Variants in NETO1 observed in about 807,000 individuals in gnomAD.
The protein encoded by NETO1 is neuropilin and tolloid-like protein 1.
NETO1 carries 26 observed loss-of-function variants against 61.3 expected under a neutral mutation model. The observed-to-expected ratio is 0.42, with a 90% CI of 0.31 to 0.59. NETO1 has a LOEUF of 0.59. Among genes scored for constraint, NETO1 ranks in the 20% least tolerant of loss-of-function variants. The probability of loss-of-function intolerance (pLI) is 0.12; values close to 1 mark genes in which losing one functional copy is unlikely to be tolerated. For synonymous variants in NETO1, 225 were observed against 225.8 expected (o/e 1.00, Z 0.03); for missense variants, 531 against 662.8 (o/e 0.80, Z 2.18).
At position 72,838,285 on chromosome 18, in the gene NETO1, A is replaced by T. The variant is rs577003288; in HGVS notation, c.469+20541T>A. On this transcript the variant is annotated intron_variant, in intron 4 of 10. Transcript: ENST00000327305. ...GATGAATACATTGTGAGTGGCAGGT[A>T]TTTACATCACGGTTCTCACTCAGAG... Among the ~76,000 whole-genome samples, 10 of 152,292 alleles carry T rather than the reference A, an allele frequency of 6.6e-5. No homozygotes were observed. In the South Asian group the frequency reaches 2.1e-3, roughly 32 times the overall value.
intron 6 of NETO1, among the ~76,000 whole-genome samples, chr18:72,787,353 G>A (rs2071956865): frequency 6.6e-6 from 1 of 151,488 alleles, no homozygotes; most frequent in South Asian, 2.1e-4. Flanking sequence ...AAAATGACAC[G>A]TCTCTCCCAA....
intron 7 of NETO1, among the ~76,000 whole-genome samples, chr18:72,765,574 G>A (rs747073249): frequency 7.2e-5 from 11 of 151,936 alleles, no homozygotes; most frequent in Non-Finnish European, 1.0e-4. Context: ...ACCTGTCACT[G>A]TGCCTGGCTA....
In NETO1 at chr18:72,842,160, G is replaced by T. The variant is rs971143763; in HGVS notation, c.469+16666C>A. On this transcript the variant is annotated intron_variant, in intron 4 of 10. Transcript: ENST00000327305. Reference sequence around the variant, plus strand: ...TGCAAAAATGCAGAGTAGTGCCTGTGGGGGGAAATGTTCAAAATAAAGAAG... The same window carrying T: ...TGCAAAAATGCAGAGTAGTGCCTGTTGGGGGAAATGTTCAAAATAAAGAAG... Among the ~76,000 whole-genome samples, 3 of 152,192 alleles carry T rather than the reference G, an allele frequency of 2.0e-5. No homozygotes were observed. In the South Asian group the frequency reaches 6.2e-4, roughly 32 times the overall value.
intron 7 of NETO1, among the ~76,000 whole-genome samples, chr18:72,759,116 A>G (rs1320671476): frequency 6.6e-6 from 1 of 152,074 alleles, no homozygotes; most frequent in East Asian, 1.9e-4. Context: ...ACTTGCGTGC[A>G]CTCGGTGCAC....
chr18:72,865,944 G>T (rs1038660613), intron 1 of NETO1, among the ~76,000 whole-genome samples: 2 of 152,124 alleles, frequency 1.3e-5, no homozygotes, highest in African/African-American at 4.8e-5. Flanking sequence ...TTTGAGAAAC[G>T]TGATTTCCGA....
At chr18:72,768,625 T>C (rs375784216) in intron 7 of NETO1, among the ~76,000 whole-genome samples, 1 of 152,296 alleles carries the variant, frequency 6.6e-6, no homozygotes, top group African/African-American at 2.4e-5. Context: ...TTAAGCCCAA[T>C]GCAATAACAA....
intron 4 of NETO1, chr18:72,834,197 A>G: frequency 1.7e-6 from 1 of 595,728 alleles, no homozygotes. Context: ...ACATATATGC[A>G]TATTAGTGTA....
chr18:72,861,571 T>G (rs2074573200), intron 3 of NETO1, among the ~76,000 whole-genome samples: 1 of 152,234 alleles, frequency 6.6e-6, no homozygotes, highest in African/African-American at 2.4e-5. Context: ...CACTGAGAAC[T>G]ATGAGCACTT....
At chr18:72,799,147 G>A (rs1038043086) in intron 4 of NETO1, among the ~76,000 whole-genome samples, 1 of 152,174 alleles carries the variant, frequency 6.6e-6, no homozygotes, top group African/African-American at 2.4e-5. Flanking sequence ...CTGCTGCTAA[G>A]GATATCTGTC....
At chr18:72,835,806 C>T (rs1349614688) in intron 4 of NETO1, among the ~76,000 whole-genome samples, 3 of 152,130 alleles carry the variant, frequency 2.0e-5, no homozygotes, top group Admixed American at 6.5e-5. Context: ...TATTCTTCCA[C>T]GTGTCGACAC....
At chr18:72,866,918 A>T in intron 1 of NETO1, 1 of 476,820 alleles carries the variant, frequency 2.1e-6, no homozygotes, top group Admixed American at 5.2e-5. Context: ...CCCACTAGGT[A>T]TCATCCGCGC....
intron 4 of NETO1, among the ~76,000 whole-genome samples, chr18:72,814,148 T>C (rs898050164): frequency 6.6e-6 from 1 of 152,050 alleles, no homozygotes; most frequent in African/African-American, 2.4e-5. Context: ...TAAGTGATAT[T>C]AGGTCCCCAA....
chr18:72,806,093 T>C (rs9636083), intron 4 of NETO1, among the ~76,000 whole-genome samples: 76,431 of 151,850 alleles, frequency 0.5, 20,069 homozygotes, highest in East Asian at 0.79. Context: ...TAGACGACAT[T>C]ACCTACGACG....
intron 1 of NETO1, among the ~76,000 whole-genome samples, 176 bp from the exon 2 acceptor site, chr18:72,865,417 C>T (rs1244915022): frequency 6.6e-6 from 1 of 152,198 alleles, no homozygotes; most frequent in African/African-American, 2.4e-5. Context: ...AATCAGGAAA[C>T]CTTGGGACTC....
At chr18:72,814,919 G>C (rs1342369162) in intron 4 of NETO1, among the ~76,000 whole-genome samples, 1 of 150,294 alleles carries the variant, frequency 6.7e-6, no homozygotes, top group Non-Finnish European at 1.5e-5. Context: ...CATAGGGACA[G>C]AGCTTATCAA....
chr18:72,817,884 G>A (rs1422342121), intron 4 of NETO1, among the ~76,000 whole-genome samples: 1 of 152,182 alleles, frequency 6.6e-6, no homozygotes, highest in Non-Finnish European at 1.5e-5. Flanking sequence ...AAACTGCCCA[G>A]TGAAGACACC....
intron 4 of NETO1, among the ~76,000 whole-genome samples, chr18:72,805,257 C>T (rs2072636943): frequency 6.6e-6 from 1 of 152,032 alleles, no homozygotes; most frequent in African/African-American, 2.4e-5. Context: ...TTAAGCACTC[C>T]ACTATAATCT....
chr18:72,840,092 T>C (rs2073882365), intron 4 of NETO1, among the ~76,000 whole-genome samples: 1 of 152,330 alleles, frequency 6.6e-6, no homozygotes, highest in Non-Finnish European at 1.5e-5. Context: ...TTTCAGTCTT[T>C]GTGAATCCTC....
At chr18:72,803,866 A>C (rs2072589367) in intron 4 of NETO1, among the ~76,000 whole-genome samples, 1 of 151,936 alleles carries the variant, frequency 6.6e-6, no homozygotes, top group African/African-American at 2.4e-5. Context: ...CCAACTACAT[A>C]TATATCTCTG....
Sources: gnomAD v4.1 joint callset for allele counts (sites outside exome capture counted in the v4.1 genomes callset) on GRCh38, gnomAD v4.1.1 for gene constraint, MANE v1.5 for transcripts, NCBI Gene and HGNC (gene_info 2026-07-23, HGNC 2026-07-21) for gene names.